ORC1: variants seen among roughly 807,000 people sequenced by gnomAD.
ORC1 encodes the protein origin recognition complex, subunit 1 homolog.
Under a neutral mutation model 98.9 loss-of-function variants are expected in ORC1, and 61 were observed. The ratio of observed to expected loss-of-function variants is 0.62; its 90% CI spans 0.50 to 0.76. ORC1 has a LOEUF of 0.76. ORC1 is among the 30% of genes least tolerant of loss of function. The probability of loss-of-function intolerance (pLI) is 0.00; values close to 1 mark genes in which losing one functional copy is unlikely to be tolerated. For missense variants in ORC1, 979 were observed against 1,072.2 expected (o/e 0.91, Z 1.21); for synonymous variants, 385 against 406.9 (o/e 0.95, Z 0.65).
intron 14 of ORC1, among the ~76,000 whole-genome samples, chr1:52,375,985 C>T (rs529874575): frequency 1.1e-4 from 16 of 152,334 alleles, no homozygotes; most frequent in Non-Finnish European, 2.2e-4. Context: ...GAGGTGGAGC[C>T]TATCTGGAGA....
intron 8 of ORC1, among the ~76,000 whole-genome samples, chr1:52,387,475 T>C (rs192472324): frequency 2.6e-5 from 4 of 152,028 alleles, no homozygotes; most frequent in Admixed American, 1.3e-4. Context: ...TCTTTTTTCT[T>C]GAGATAGAGT....
chr1:52,404,635 C>A, upstream of ORC1: 1 of 1,211,286 alleles, frequency 8.3e-7, no homozygotes, highest in Non-Finnish European at 1.2e-6. Context: ...AGATGGTCGC[C>A]TAAGCTGTTT....
At chr1:52,401,270 T>C in intron 3 of ORC1, 92 bp downstream of exon 3, 1 of 1,508,948 alleles carries the variant, frequency 6.6e-7, no homozygotes, top group South Asian at 1.1e-5. Context: ...TAATGTGCCC[T>C]GCACACTGCT....
chr1:52,391,138 G>A (rs1338790630), intron 6 of ORC1, among the ~76,000 whole-genome samples: 3 of 151,508 alleles, frequency 2.0e-5, no homozygotes, highest in East Asian at 3.9e-4. Context: ...GTGAAACCCC[G>A]TCTCTACTAA....
At chr1:52,398,397 G>A (rs990184493) in intron 3 of ORC1, among the ~76,000 whole-genome samples, 1 of 151,638 alleles carries the variant, frequency 6.6e-6, no homozygotes. Flanking sequence ...CCGAGTAGCT[G>A]GGACCACAGG....
In ORC1 at chr1:52,402,202, G is replaced by A. The variant is rs762940220; in HGVS notation, c.22C>T (p.Leu8=). The A allele has an allele frequency of 1.9e-6, 3 of 1,614,162 alleles. No individual in the cohort carries two copies. The highest frequency in any genetic ancestry group is 2.2e-5 in the South Asian group (2 of 91,082). Residue 8 remains leucine, a synonymous_variant, in exon 2 of 17, where the codon CTG becomes TTG. Transcript: ENST00000371568. MAHYPTR[L]KTRKTYSWVG... ...CATGAATAAGTTTTTCTGGTCTTCA[G>A]CCTTGTGGGGTAGTGTGCCATGGCT... is the stretch of plus-strand genomic sequence containing the variant.
At chr1:52,384,778 A>C in intron 10 of ORC1, 57 bp from the exon 11 acceptor site, 2 of 1,447,550 alleles carry the variant, frequency 1.4e-6, no homozygotes, top group Non-Finnish European at 1.9e-6. Flanking sequence ...TACACGTTAT[A>C]ATCAGTTAGG....
intron 4 of ORC1, 59 bp downstream of exon 4, chr1:52,397,626 T>C: frequency 6.6e-7 from 1 of 1,518,634 alleles, no homozygotes; most frequent in Non-Finnish European, 9.1e-7. Context: ...GGTCATGAAG[T>C]TCAGGAGGCA....
intron 13 of ORC1, among the ~76,000 whole-genome samples, chr1:52,382,490 G>C (rs1162299837): frequency 6.6e-6 from 1 of 151,786 alleles, no homozygotes; most frequent in African/African-American, 2.4e-5. Flanking sequence ...TGCAAGGCCT[G>C]TGAGGGCAGA....
At chr1:52,379,401 G>A (rs1239802458) in intron 14 of ORC1, among the ~76,000 whole-genome samples, 4 of 151,294 alleles carry the variant, frequency 2.6e-5, no homozygotes, top group African/African-American at 4.9e-5. Context: ...GTGCCACCAC[G>A]CCCGGCTAAT....
intron 8 of ORC1, among the ~76,000 whole-genome samples, chr1:52,387,025 G>A (rs946534508): frequency 3.9e-5 from 6 of 152,188 alleles, no homozygotes; most frequent in African/African-American, 1.4e-4. Context: ...AGGCCTTGCT[G>A]AGAAGGTATC....
upstream of ORC1, among the ~76,000 whole-genome samples, chr1:52,406,530 C>T (rs1254176675): frequency 2.0e-5 from 3 of 146,852 alleles, no homozygotes; most frequent in African/African-American, 2.8e-5. Flanking sequence ...TTAACTATGA[C>T]ATTGGAGAGG....
intron 13 of ORC1, among the ~76,000 whole-genome samples, 170 bp from the exon 14 acceptor site, chr1:52,381,931 T>C (rs765780933): frequency 1.1e-4 from 16 of 152,180 alleles, no homozygotes; most frequent in Non-Finnish European, 1.9e-4. Context: ...TGGTGTCCTG[T>C]AGGGCAGTAG....
In ORC1 at chr1:52,401,368, C is replaced by G; in HGVS notation, c.217G>C (p.Glu73Gln). ...PYVAKLLELF[E>Q]DDSDPPPKKR... is the part of the protein sequence containing the mutation. Reference sequence around the variant, plus strand: ...ATTCCAGTCCCAAACTCACCATCTTCGAACAACTCAAGCAATTTAGCAACA... The same window carrying G: ...ATTCCAGTCCCAAACTCACCATCTTGGAACAACTCAAGCAATTTAGCAACA... The change falls in exon 3 of 17, where the codon GAA (glutamate) becomes CAA (glutamine). Residue 73 changes from glutamate to glutamine, a missense_variant. Glu to Gln is a conservative substitution (Grantham distance 29, BLOSUM62 2). Transcript: ENST00000371568. The G allele has an allele frequency of 6.2e-7, 1 of 1,614,090 alleles. No individual in the cohort carries two copies. The highest frequency in any genetic ancestry group is 8.5e-7 in the Non-Finnish European group (1 of 1,180,022).
Position 52,374,727 on chromosome 1 carries a change from T to G in ORC1, c.2391+83A>C, listed in dbSNP as rs554098043. 9.0e-6 allele frequency: 8 copies of G among 887,662 alleles called. No individual in the cohort carries two copies. The East Asian group carries it at 2.1e-4, about 23-fold the overall frequency. The allele number at this position is 887,662 out of a possible 1,614,324, so 55.0% of individuals were successfully genotyped here. On this transcript the variant is annotated intron_variant, in intron 16 of 16. Transcript: ENST00000371568. The stretch of plus-strand genomic sequence containing the variant: ...ATACTCTAGGTGGCACAAAATAGAG[T>G]GTCACACATTCATGGAAATTTCCAT...
Position 52,385,246 on chromosome 1 carries a change from C to G in ORC1, c.1498G>C (p.Val500Leu). The stretch of plus-strand genomic sequence containing the variant: ...TCCCGACAGGGAAGAGACTCAGGTA[C>G]AGCAGAAACATGCAGCCTACCATTG... The part of the protein sequence containing the change: ...EARLRLHVSA[V>L]PESLPCREQE... The change falls in exon 10 of 17, where the codon GTA (valine) becomes CTA (leucine). Residue 500 changes from valine (V) to leucine (L), a missense_variant. By Grantham distance (32) the Val-to-Leu change is conservative. Transcript: ENST00000371568. 1 of 1,612,826 alleles carries G rather than the reference C, an allele frequency of 6.2e-7. No homozygotes were observed. The highest frequency in any genetic ancestry group is 8.5e-7 in the Non-Finnish European group (1 of 1,178,774).
chr1:52,381,349 G>T (rs1256820341), intron 14 of ORC1, among the ~76,000 whole-genome samples: 1 of 152,140 alleles, frequency 6.6e-6, no homozygotes, highest in African/African-American at 2.4e-5. Context: ...AAGCGTTAAA[G>T]CCAGAATTCA....
chr1:52,380,749 C>A (rs1647059142), intron 14 of ORC1, among the ~76,000 whole-genome samples: 1 of 151,230 alleles, frequency 6.6e-6, no homozygotes, highest in Non-Finnish European at 1.5e-5. Context: ...AAAGAAAAAG[C>A]CTCTTAGATA....
In ORC1 at chr1:52,385,099, A is replaced by G; in HGVS notation, c.1583+62T>C. On this transcript the variant is annotated intron_variant, in intron 10 of 16. Transcript: ENST00000371568. ...CCTGTATGGCTGAACTGTAACACCC[A>G]AGGCATTCCACTAGCAGGGGCCTTA... The G allele has an allele frequency of 3.9e-6, 4 of 1,021,922 alleles. No individual in the cohort carries two copies. The South Asian group carries it at 5.0e-5, about 13-fold the overall frequency. The allele number at this position is 1,021,922 out of a possible 1,614,324, so 63.3% of individuals were successfully genotyped here. A position where few individuals can be genotyped will look rare whatever the true frequency, so the allele number is the denominator to read the frequency against.
Sources: allele counts gnomAD v4.1 joint callset (sites outside exome capture counted in the v4.1 genomes callset), GRCh38; gene constraint gnomAD v4.1.1; transcripts MANE v1.5; gene names NCBI Gene and HGNC (gene_info 2026-07-23, HGNC 2026-07-21).